Variants in GRM5 observed in about 807,000 individuals in gnomAD.
GRM5 encodes metabotropic glutamate receptor 5.
A neutral mutation model predicts 83.1 loss-of-function variants in GRM5; 19 were observed. The observed-to-expected ratio is 0.23, with a 90% CI of 0.16 to 0.34. The LOEUF (loss-of-function observed/expected upper bound fraction) is 0.34, where lower values mean the gene tolerates loss of function less well. Ranked by LOEUF, GRM5 falls within the 10% of genes least tolerant of loss-of-function variation. The pLI is 1.00. For missense variants in GRM5, 1,160 were observed against 1,588.3 expected, an observed-to-expected ratio of 0.73 and a Z score of 4.58; for synonymous variants, 675 against 633.6, an observed-to-expected ratio of 1.07 and a Z score of -0.98.
chr11:88,815,936 G>A (rs148644452), intron 3 of GRM5, among the ~76,000 whole-genome samples: 72 of 151,998 alleles, frequency 4.7e-4, no homozygotes, highest in African/African-American at 1.6e-3. Flanking sequence ...AACAGAGGCC[G>A]GGCGCGGTGG....
rs574334542 is a variant in GRM5 at position 88,942,187 on chromosome 11, G to A, written c.662-92032C>T. Among the ~76,000 whole-genome samples the A allele has an allele frequency of 5.9e-5, 9 of 152,034 alleles. No individual in the cohort carries two copies. In the South Asian group the frequency reaches 1.0e-3, roughly 18 times the overall value. On this transcript the variant is annotated intron_variant, in intron 2 of 9. Transcript: ENST00000305447. ...TTGACTTGTGCTGTAAGTATTCTCAGGCTGTGTCAGAAAATTTTATCATTC... is the reference window on the plus strand; with the variant it reads ...TTGACTTGTGCTGTAAGTATTCTCAAGCTGTGTCAGAAAATTTTATCATTC...
chr11:89,056,789 T>C (rs1941885247), intron 1 of GRM5, among the ~76,000 whole-genome samples: 2 of 152,194 alleles, frequency 1.3e-5, no homozygotes, highest in African/African-American at 4.8e-5. Context: ...AGTTTGATTA[T>C]ATAGTATATT....
chr11:88,845,725 GC>G (rs66888159), intron 3 of GRM5, among the ~76,000 whole-genome samples: 80,736 of 147,360 alleles, frequency 0.55, 22,656 homozygotes, highest in Middle Eastern at 0.63. Flanking sequence ...GAACCACCGC[GC>G]CCCCCCCCAC....
intron 3 of GRM5, among the ~76,000 whole-genome samples, chr11:88,714,354 AG>A (rs1387505919): frequency 6.6e-6 from 1 of 152,004 alleles, no homozygotes; most frequent in Non-Finnish European, 1.5e-5. Flanking sequence ...GCATGCATAA[AG>A]GTGGTGGGTA....
intron 4 of GRM5, 39 bp from the exon 5 acceptor site, chr11:88,605,003 A>G: frequency 6.4e-7 from 1 of 1,556,298 alleles, no homozygotes; most frequent in Non-Finnish European, 8.8e-7. Context: ...TGAGGTACAA[A>G]TCTACTCTCG....
intron 4 of GRM5, among the ~76,000 whole-genome samples, chr11:88,615,681 T>C (rs1003722383): frequency 9.2e-5 from 14 of 151,550 alleles, no homozygotes; most frequent in Non-Finnish European, 1.3e-4. Flanking sequence ...AAAGTTACTG[T>C]GAATAGCTGG....
intron 1 of GRM5, among the ~76,000 whole-genome samples, chr11:89,062,180 A>G (rs1942009477): frequency 1.3e-5 from 2 of 152,208 alleles, no homozygotes; most frequent in Non-Finnish European, 2.9e-5. Flanking sequence ...GCCACAATTG[A>G]TTCTTACATG....
chr11:88,711,592 T>C (rs1252617358), intron 3 of GRM5, among the ~76,000 whole-genome samples: 3 of 152,084 alleles, frequency 2.0e-5, no homozygotes, highest in Non-Finnish European at 4.4e-5. Flanking sequence ...GTTGGCTAAG[T>C]AACCATAAAC....
chr11:88,919,891 C>T (rs1244461576), intron 2 of GRM5, among the ~76,000 whole-genome samples: 1 of 151,838 alleles, frequency 6.6e-6, no homozygotes, highest in East Asian at 1.9e-4. Flanking sequence ...CTATGGGATA[C>T]AGAGAAAGCA....
chr11:88,980,565 G>T (rs1487123464), intron 2 of GRM5, among the ~76,000 whole-genome samples: 1 of 152,140 alleles, frequency 6.6e-6, no homozygotes, highest in Non-Finnish European at 1.5e-5. Flanking sequence ...GCTCACAACT[G>T]TAATCCCAAC....
intron 4 of GRM5, among the ~76,000 whole-genome samples, chr11:88,629,279 T>C (rs1938892394): frequency 6.6e-6 from 1 of 152,194 alleles, no homozygotes; most frequent in African/African-American, 2.4e-5. Flanking sequence ...GGCAGGGCTA[T>C]GCTCAGTAAT....
chr11:88,651,017 G>T (rs114537619), intron 4 of GRM5, among the ~76,000 whole-genome samples: 283 of 152,084 alleles, frequency 1.9e-3, no homozygotes, highest in African/African-American at 5.9e-3. Flanking sequence ...GATTCCAAGG[G>T]GGGGGATGGA....
chr11:88,901,984 C>T (rs1402316343), intron 2 of GRM5, among the ~76,000 whole-genome samples: 1 of 152,028 alleles, frequency 6.6e-6, no homozygotes, highest in Non-Finnish European at 1.5e-5. Flanking sequence ...CATTTCAGGG[C>T]GTGGTTGCCA....
At chr11:89,005,579 CTTAGA>C (rs1309415074) in intron 2 of GRM5, among the ~76,000 whole-genome samples, 8 of 152,078 alleles carry the variant, frequency 5.3e-5, no homozygotes, top group Non-Finnish European at 2.9e-5. Flanking sequence ...AGTATGTTAC[CTTAGA>C]TAAGTTACTC....
chr11:88,916,935 T>G (rs1023390536), intron 2 of GRM5, among the ~76,000 whole-genome samples: 3 of 152,104 alleles, frequency 2.0e-5, no homozygotes, highest in Non-Finnish European at 2.9e-5. Flanking sequence ...ATGAAAGACC[T>G]AGGCGTGGCA....
intron 4 of GRM5, among the ~76,000 whole-genome samples, chr11:88,619,469 G>A (rs1215722980): frequency 6.6e-6 from 1 of 152,174 alleles, no homozygotes; most frequent in African/African-American, 2.4e-5. Flanking sequence ...TCTCATCCAA[G>A]ATTGTGACCT....
chr11:89,060,980 C>T (rs1444159575), intron 1 of GRM5, among the ~76,000 whole-genome samples: 1 of 152,078 alleles, frequency 6.6e-6, no homozygotes, highest in Non-Finnish European at 1.5e-5. Context: ...GAATATAACA[C>T]ATAACACATA....
At chr11:88,740,458 A>C (rs1334861715) in intron 3 of GRM5, among the ~76,000 whole-genome samples, 9 of 152,076 alleles carry the variant, frequency 5.9e-5, no homozygotes, top group Non-Finnish European at 1.5e-5. Context: ...TTTAAGATTC[A>C]GTTGGGTACT....
chr11:88,677,313 CCAGACT>C (rs1048112907), intron 3 of GRM5, among the ~76,000 whole-genome samples: 4 of 152,052 alleles, frequency 2.6e-5, no homozygotes, highest in African/African-American at 9.7e-5. Context: ...TCTAGAGGGT[CCAGACT>C]TGTCTCTGTC....
Sources: allele counts gnomAD v4.1 joint callset (sites outside exome capture counted in the v4.1 genomes callset), GRCh38; gene constraint gnomAD v4.1.1; transcripts MANE v1.5; gene names NCBI Gene and HGNC (gene_info 2026-07-23, HGNC 2026-07-21).